The following DAB1 variants were observed in gnomAD, a reference collection of about 807,000 sequenced individuals.
DAB1 encodes the protein DAB adaptor protein 1, also known as disabled homolog 1.
In DAB1, 15 loss-of-function variants were observed where a neutral mutation model predicts 64.6. The ratio of observed to expected loss-of-function variants is 0.23; its 90% CI spans 0.16 to 0.36. The LOEUF is 0.36. DAB1 is among the 10% of genes least tolerant of loss of function. The pLI is 1.00. For synonymous variants in DAB1, 235 were observed against 251.9 expected, an observed-to-expected ratio of 0.93 and a Z score of 0.64; for missense variants, 596 against 706.7, an observed-to-expected ratio of 0.84 and a Z score of 1.78.
chr1:57,452,786 G>C (rs1686436003), intron 7 of DAB1, among the ~76,000 whole-genome samples: 1 of 151,970 alleles, frequency 6.6e-6, no homozygotes, highest in Non-Finnish European at 1.5e-5. Context: ...TATCTGCCTT[G>C]TTCTAAACAC....
At chr1:57,866,801 G>A (rs1378745068) in intron 1 of DAB1, among the ~76,000 whole-genome samples, 1 of 152,144 alleles carries the variant, frequency 6.6e-6, no homozygotes, top group Non-Finnish European at 1.5e-5. Context: ...TTAACATGCT[G>A]TGCCCTTCCT....
At chr1:58,451,226 A>G (rs570932485) in intron 3 of DAB1, among the ~76,000 whole-genome samples, 73 of 152,282 alleles carry the variant, frequency 4.8e-4, no homozygotes, top group African/African-American at 1.7e-3. Flanking sequence ...AGTAGAGGGG[A>G]CGGTAGGCAC....
At chr1:58,346,791 T>A (rs1437374258) in intron 3 of DAB1, among the ~76,000 whole-genome samples, 1 of 152,196 alleles carries the variant, frequency 6.6e-6, no homozygotes, top group African/African-American at 2.4e-5. Flanking sequence ...AGCAACTACC[T>A]GCTAGAAGGA....
At chr1:57,431,896 G>A (rs916055301) in intron 7 of DAB1, among the ~76,000 whole-genome samples, 2 of 152,102 alleles carry the variant, frequency 1.3e-5, no homozygotes, top group South Asian at 4.1e-4. Flanking sequence ...GGCCGAGGCC[G>A]GCAGATCACG....
At chr1:57,742,290 T>C (rs547161288) in intron 6 of DAB1, among the ~76,000 whole-genome samples, 1 of 152,202 alleles carries the variant, frequency 6.6e-6, no homozygotes, top group African/African-American at 2.4e-5. Flanking sequence ...TGATGGACCA[T>C]AAAATAAAAA....
chr1:58,327,651 G>A lies in DAB1; in HGVS notation n.309+15701C>T, dbSNP rs1662865614. 2.0e-5 allele frequency among the ~76,000 whole-genome samples: 3 copies of A among 152,142 alleles called. No homozygotes were observed. The South Asian group carries it at 6.2e-4, about 32-fold the overall frequency. On this transcript the variant is annotated intron_variant and non_coding_transcript_variant, in intron 4 of 20. Transcript: ENST00000485760. Reference sequence around the variant, plus strand: ...AGGGTAAGCAGAGAGGCTTCTCAGGGAAGTGACATTTAAGTTAGGCCTTGA... The same window carrying A: ...AGGGTAAGCAGAGAGGCTTCTCAGGAAAGTGACATTTAAGTTAGGCCTTGA...
At chr1:57,067,498 G>T (rs540429643) in intron 8 of DAB1, among the ~76,000 whole-genome samples, 1 of 152,250 alleles carries the variant, frequency 6.6e-6, no homozygotes, top group South Asian at 2.1e-4. Context: ...TGTTGTGAGA[G>T]ATAAGATATT....
intron 4 of DAB1, among the ~76,000 whole-genome samples, chr1:58,256,469 G>T (rs1310386777): frequency 8.5e-5 from 13 of 152,206 alleles, no homozygotes; most frequent in Admixed American, 7.9e-4. Context: ...ATGAAAGGTG[G>T]AAAAGAAATG....
intron 2 of DAB1, among the ~76,000 whole-genome samples, chr1:58,520,609 G>A (rs1646247071): frequency 6.6e-6 from 1 of 152,110 alleles, no homozygotes; most frequent in Non-Finnish European, 1.5e-5. Flanking sequence ...CAGGAGGTTT[G>A]AAAATCAGAA....
At chr1:58,164,464 T>C (rs1052537492) in intron 4 of DAB1, among the ~76,000 whole-genome samples, 15 of 152,202 alleles carry the variant, frequency 9.9e-5, no homozygotes, top group African/African-American at 3.1e-4. Flanking sequence ...GATGAGCACA[T>C]CCACTCAGAA....
At chr1:57,169,845 A>T (rs1661562434) in intron 2 of DAB1, among the ~76,000 whole-genome samples, 1 of 152,062 alleles carries the variant, frequency 6.6e-6, no homozygotes, top group Admixed American at 6.6e-5. Flanking sequence ...CTCCTCAGCC[A>T]TAAATTCCTT....
intron 2 of DAB1, among the ~76,000 whole-genome samples, chr1:57,245,326 C>T (rs1668783432): frequency 6.6e-6 from 1 of 152,096 alleles, no homozygotes; most frequent in African/African-American, 2.4e-5. Flanking sequence ...TACATGTGCA[C>T]ATTGTGCAGG....
At chr1:57,377,744 T>C (rs1681025455) in intron 1 of DAB1, among the ~76,000 whole-genome samples, 2 of 152,066 alleles carry the variant, frequency 1.3e-5, no homozygotes, top group South Asian at 4.2e-4. Flanking sequence ...TGAGTAACCT[T>C]AGGTTTCATA....
chr1:57,275,965 C>A (rs1299859523), intron 2 of DAB1, among the ~76,000 whole-genome samples: 1 of 152,082 alleles, frequency 6.6e-6, no homozygotes, highest in Non-Finnish European at 1.5e-5. Flanking sequence ...AAAATGGCAA[C>A]AATGACAGAA....
rs367825096 is a variant in DAB1, at chr1:57,247,930, C to T, written c.67+43034G>A. 9.9e-5 allele frequency among the ~76,000 whole-genome samples: 15 copies of T among 152,266 alleles called. No individual in the cohort carries two copies. The East Asian group carries it at 2.3e-3, about 24-fold the overall frequency. On this transcript the variant is annotated intron_variant, in intron 2 of 14. Transcript: ENST00000371236. The stretch of plus-strand genomic sequence containing the variant: ...GAATGACTGCCTGGAAAAGAGACAC[C>T]CTCCAACTGGTTCACCTACTCAGTA...
intron 3 of DAB1, among the ~76,000 whole-genome samples, chr1:58,451,356 G>A (rs768750685): frequency 1.3e-5 from 2 of 152,202 alleles, no homozygotes; most frequent in Non-Finnish European, 2.9e-5. Flanking sequence ...GTCTCCCAAA[G>A]TGCTGGGGTT....
chr1:58,020,603 G>C (rs1436711772), intron 5 of DAB1, among the ~76,000 whole-genome samples: 2 of 152,196 alleles, frequency 1.3e-5, no homozygotes, highest in Non-Finnish European at 2.9e-5. Flanking sequence ...AAGAGGTATA[G>C]CAGGTTCTGT....
intron 1 of DAB1, among the ~76,000 whole-genome samples, chr1:57,849,197 G>C (rs1653415950): frequency 6.6e-6 from 1 of 152,154 alleles, no homozygotes; most frequent in Non-Finnish European, 1.5e-5. Context: ...TTCACAAAAG[G>C]TCAGCAGAAG....
intron 4 of DAB1, among the ~76,000 whole-genome samples, chr1:57,120,960 T>C (rs1222793967): frequency 1.3e-5 from 2 of 151,946 alleles, no homozygotes; most frequent in African/African-American, 4.8e-5. Context: ...TAACCTAGGT[T>C]TGTCAATCAG....
Sources: gnomAD v4.1 joint callset for allele counts (sites outside exome capture counted in the v4.1 genomes callset) on GRCh38, gnomAD v4.1.1 for gene constraint, MANE v1.5 for transcripts, NCBI Gene and HGNC (gene_info 2026-07-23, HGNC 2026-07-21) for gene names.